Variants in GUCY1A1 observed in about 807,000 individuals in gnomAD.
The protein encoded by GUCY1A1 is guanylate cyclase soluble subunit alpha-1.
In GUCY1A1, 48 loss-of-function variants were observed where a neutral mutation model predicts 64.5. That is an observed-to-expected ratio of 0.74 (90% confidence interval 0.59 to 0.95). GUCY1A1 has a LOEUF of 0.95. GUCY1A1 is among the 40% of genes least tolerant of loss of function. GUCY1A1 has a pLI of 0.00. For synonymous variants in GUCY1A1, 308 were observed against 303.4 expected (o/e 1.02, Z -0.16); for missense variants, 804 against 825.3 (o/e 0.97, Z 0.32).
At chr4:155,727,608 T>C (rs968268331) in intron 9 of GUCY1A1, among the ~76,000 whole-genome samples, 9 of 151,886 alleles carry the variant, frequency 5.9e-5, no homozygotes, top group Non-Finnish European at 7.4e-5. Context: ...ACCTATAGTT[T>C]TATACATTTT....
rs1735911688 is a variant in GUCY1A1 at position 155,734,896 on chromosome 4, A to G, written c.*4665A>G. 1 of 151,992 alleles carries G rather than the reference A, an allele frequency of 6.6e-6. No individual in the cohort carries two copies. Among genetic ancestry groups the G allele is most frequent in the Middle Eastern group, 3.2e-3 (1 of 316 alleles). 9.4% of individuals were successfully genotyped at this position (151,992 alleles called of 1,614,324 possible). A position where few individuals can be genotyped will look rare whatever the true frequency, so the allele number is the denominator to read the frequency against. ...GAAATATTTGTATCCTTTAGTGAAA[A>G]GGGGAAGAATCAATTACTGAAAGCC... is the stretch of plus-strand genomic sequence containing the variant. On this transcript the variant is annotated 3_prime_UTR_variant, in exon 10 of 10. Transcript: ENST00000506455.
chr4:155,701,601 A>C (rs1282131638), intron 3 of GUCY1A1, among the ~76,000 whole-genome samples: 1 of 152,142 alleles, frequency 6.6e-6, no homozygotes, highest in Non-Finnish European at 1.5e-5. Context: ...AGCATTCTTC[A>C]GTGGCAGAAT....
intron 8 of GUCY1A1, among the ~76,000 whole-genome samples, chr4:155,718,003 C>T (rs1489241727): frequency 6.6e-6 from 1 of 152,130 alleles, no homozygotes; most frequent in Non-Finnish European, 1.5e-5. Context: ...TGTTAATTCA[C>T]CAATATTTTC....
Position 155,707,618 on chromosome 4 carries a change from AT to A in GUCY1A1, c.318-617del, listed in dbSNP as rs1444913445. Among the ~76,000 whole-genome samples, 7 of 151,938 alleles carry A rather than the reference AT, an allele frequency of 4.6e-5. No individual in the cohort carries two copies. The Middle Eastern group carries it at 0.01, about 223-fold the overall frequency. On this transcript the variant is annotated intron_variant, in intron 4 of 9. Coordinates refer to ENST00000506455, the MANE Select transcript of GUCY1A1 (RefSeq NM_001130682.3). Reference sequence around the variant, plus strand: ...CGATATAAAGGTAAAAAAAAAAAAAATCCTAAGTCTGAGACTGTCTGTATTA... The same window carrying A: ...CGATATAAAGGTAAAAAAAAAAAAAACCTAAGTCTGAGACTGTCTGTATTA...
chr4:155,680,411 G>A (rs975577563), intron 2 of GUCY1A1, among the ~76,000 whole-genome samples: 1 of 151,944 alleles, frequency 6.6e-6, no homozygotes, highest in Admixed American at 6.6e-5. Context: ...CTTAGTTCTA[G>A]TTATTTTGTA....
intron 2 of GUCY1A1, among the ~76,000 whole-genome samples, chr4:155,695,646 G>T (rs1173147182): frequency 6.6e-6 from 1 of 152,162 alleles, no homozygotes; most frequent in Non-Finnish European, 1.5e-5. Context: ...TTTGAAATGA[G>T]AGAAAACTAC....
At chr4:155,670,256 A>AT (rs932525968) in intron 2 of GUCY1A1, among the ~76,000 whole-genome samples, 1 of 152,090 alleles carries the variant, frequency 6.6e-6, no homozygotes, top group African/African-American at 2.4e-5. Context: ...GTAAAAACAA[A>AT]TTTTTTCCCC....
chr4:155,695,928 A>G lies in GUCY1A1; in HGVS notation c.-112-828A>G, dbSNP rs1730349713. ...CAGTTCCAGTAACAAATAGCTAATG[A>G]TAAATGGGTTGTGAATTGTGGGAGA... is the stretch of plus-strand genomic sequence containing the variant. On this transcript the variant is annotated intron_variant, in intron 2 of 9. Transcript: ENST00000506455. Among the ~76,000 whole-genome samples, 3 of 152,338 alleles carry G rather than the reference A, an allele frequency of 2.0e-5. No homozygotes were observed. In the South Asian group the frequency reaches 6.2e-4, roughly 32 times the overall value.
At chr4:155,726,939 G>A (rs1734767978) in intron 9 of GUCY1A1, among the ~76,000 whole-genome samples, 1 of 151,912 alleles carries the variant, frequency 6.6e-6, no homozygotes, top group Admixed American at 6.6e-5. Flanking sequence ...AAACAAAAAT[G>A]GCAAGTGGGG....
chr4:155,699,096 T>G (rs1299493673), intron 3 of GUCY1A1, among the ~76,000 whole-genome samples: 1 of 152,140 alleles, frequency 6.6e-6, no homozygotes, highest in Non-Finnish European at 1.5e-5. Flanking sequence ...TTTATTTGGT[T>G]GTATCATATT....
chr4:155,714,840 G>A (rs2126886324), intron 7 of GUCY1A1, among the ~76,000 whole-genome samples: 1 of 152,218 alleles, frequency 6.6e-6, no homozygotes, highest in South Asian at 2.1e-4. Flanking sequence ...AAAATAATTG[G>A]CTTCAGTTAC....
intron 2 of GUCY1A1, among the ~76,000 whole-genome samples, chr4:155,677,715 G>T (rs1486609464): frequency 6.6e-6 from 1 of 152,038 alleles, no homozygotes; most frequent in East Asian, 1.9e-4. Flanking sequence ...AGCCGGGCAT[G>T]GTGGTGGGTG....
At chr4:155,715,957 A>C (rs1032070987) in intron 7 of GUCY1A1, among the ~76,000 whole-genome samples, 1 of 152,182 alleles carries the variant, frequency 6.6e-6, no homozygotes, top group African/African-American at 2.4e-5. Flanking sequence ...GGTGATTGCT[A>C]TTTCTTAGAG....
intron 9 of GUCY1A1, among the ~76,000 whole-genome samples, chr4:155,727,255 T>C (rs1251393972): frequency 6.6e-6 from 1 of 151,944 alleles, no homozygotes; most frequent in Non-Finnish European, 1.5e-5. Flanking sequence ...TTTGTTTTTC[T>C]AAATGGTTTT....
chr4:155,710,987 G>T lies in GUCY1A1; in HGVS notation c.822G>T (p.Ser274=), dbSNP rs148529562. The change falls in exon 6 of 10, where the codon TCG becomes TCT. Residue 274 remains serine (S), a synonymous_variant. Transcript: ENST00000506455. ...PSLSPSKPQS[S]LVIPTSLFCK... ...TGTCCCCCAGCAAACCCCAGTCCTC[G>T]CTGGTGATTCCCACATCGCTATTCT... 5.0e-6 allele frequency: 8 copies of T among 1,613,372 alleles called. No individual in the cohort carries two copies. The highest frequency in any genetic ancestry group is 2.2e-5 in the East Asian group (1 of 44,872).
At chr4:155,717,593 T>C (rs1733431293) in intron 8 of GUCY1A1, among the ~76,000 whole-genome samples, 1 of 152,196 alleles carries the variant, frequency 6.6e-6, no homozygotes, top group Non-Finnish European at 1.5e-5. Flanking sequence ...AAATGGCTTC[T>C]AAAGGCAAAC....
chr4:155,702,060 C>T (rs924152339), intron 3 of GUCY1A1, among the ~76,000 whole-genome samples: 4 of 152,002 alleles, frequency 2.6e-5, no homozygotes, highest in Non-Finnish European at 5.9e-5. Flanking sequence ...TATTGAACAT[C>T]TCCTATGGAT....
intron 2 of GUCY1A1, among the ~76,000 whole-genome samples, chr4:155,693,985 C>T (rs1185757687): frequency 6.6e-6 from 1 of 152,026 alleles, no homozygotes; most frequent in Non-Finnish European, 1.5e-5. Flanking sequence ...TAATATATAC[C>T]AGAATAATTC....
chr4:155,728,013 G>A (rs975817669), intron 9 of GUCY1A1, among the ~76,000 whole-genome samples: 1 of 151,888 alleles, frequency 6.6e-6, no homozygotes, highest in East Asian at 1.9e-4. Flanking sequence ...GAGAGAGGCA[G>A]GAATATCACT....
Sources: allele counts gnomAD v4.1 joint callset (sites outside exome capture counted in the v4.1 genomes callset), GRCh38; gene constraint gnomAD v4.1.1; transcripts MANE v1.5; gene names NCBI Gene and HGNC (gene_info 2026-07-23, HGNC 2026-07-21).